Variants in ZFP62 observed in about 807,000 individuals in gnomAD.
ZFP62 encodes the protein zinc finger protein 62 homolog.
A neutral mutation model predicts 56.4 loss-of-function variants in ZFP62; 44 were observed. The ratio of observed to expected loss-of-function variants is 0.78; its 90% CI spans 0.61 to 1.00. The LOEUF (loss-of-function observed/expected upper bound fraction) is 1.00, where lower values mean the gene tolerates loss of function less well. Ranked by LOEUF, ZFP62 falls within the 50% of genes least tolerant of loss-of-function variation. The pLI is 0.00. For missense variants in ZFP62, 1,030 were observed against 1,085.7 expected (o/e 0.95, Z 0.72); for synonymous variants, 421 against 388.9 (o/e 1.08, Z -0.97).
At chr5:180,855,289 T>C (rs1044533769) in intron 1 of ZFP62, among the ~76,000 whole-genome samples, 3 of 152,218 alleles carry the variant, frequency 2.0e-5, no homozygotes, top group Non-Finnish European at 2.9e-5. Flanking sequence ...TTTTAAAGTA[T>C]CAGAAAGCAA....
the ZFP62 span, among the ~76,000 whole-genome samples, chr5:180,841,274 T>TATAC: frequency 1.3e-5 from 2 of 149,142 alleles, no homozygotes; most frequent in African/African-American, 5.0e-5. Context: ...CACACATATA[T>TATAC]ATATACATAC....
chr5:180,851,072 A>G lies in ZFP62; in HGVS notation c.423T>C (p.His141=). The G allele has an allele frequency of 6.4e-7, 1 of 1,551,698 alleles. No homozygotes were observed. The highest frequency in any genetic ancestry group is 8.7e-7 in the Non-Finnish European group (1 of 1,146,988). ...QQKTNAVKKL[H]KCDECGKSFK... ...AGGATTTCCCACATTCATCACATTTATGTAATTTCTTAACAGCATTGGTTT... is the reference window on the plus strand; with the variant it reads ...AGGATTTCCCACATTCATCACATTTGTGTAATTTCTTAACAGCATTGGTTT... Residue 141 remains histidine (H), a synonymous_variant, in exon 2 of 2, where the codon CAT becomes CAC. Transcript: ENST00000502412.
Position 180,848,963 on chromosome 5 carries a change from C to T in ZFP62, c.2532G>A (p.Glu844=), listed in dbSNP as rs1396962911. 1.9e-6 allele frequency: 3 copies of T among 1,551,712 alleles called. No homozygotes were observed. In the Admixed American group the frequency reaches 5.9e-5, roughly 30 times the overall value. ...HTGKKPYRCN[E]CGKAFNIRSN... ...ATCTGATATTAAAAGCCTTACCACACTCATTACATCGGTATGGCTTCTTTC... is the reference window on the plus strand; with the variant it reads ...ATCTGATATTAAAAGCCTTACCACATTCATTACATCGGTATGGCTTCTTTC... Residue 844 remains glutamate, a synonymous_variant, in exon 2 of 2, where the codon GAG becomes GAA. Coordinates refer to ENST00000502412, the MANE Select transcript of ZFP62 (RefSeq NM_001172638.2).
At chr5:180,858,165 G>A (rs756664926) in intron 1 of ZFP62, among the ~76,000 whole-genome samples, 21 of 139,406 alleles carry the variant, frequency 1.5e-4, no homozygotes, top group Non-Finnish European at 4.5e-5. Flanking sequence ...GCTGAAGCAG[G>A]AGAATTGCCT....
At chr5:180,854,042 TTC>T (rs1434090446) in intron 1 of ZFP62, among the ~76,000 whole-genome samples, 1 of 152,208 alleles carries the variant, frequency 6.6e-6, no homozygotes, top group Non-Finnish European at 1.5e-5. Context: ...GATTTCCTAG[TTC>T]TGTTTGCTGA....
intron 1 of ZFP62, among the ~76,000 whole-genome samples, chr5:180,857,012 G>T (rs1335906783): frequency 1.3e-5 from 2 of 151,518 alleles, no homozygotes; most frequent in South Asian, 2.1e-4. Context: ...GGAAAGGGGG[G>T]ATGGACTACA....
chr5:180,838,601 A>G, the ZFP62 span, among the ~76,000 whole-genome samples: 1 of 152,220 alleles, frequency 6.6e-6, no homozygotes, highest in Non-Finnish European at 1.5e-5. Flanking sequence ...TACACACTCA[A>G]AAGTATTCTG....
At chr5:180,839,258 A>AGAT in the ZFP62 span, among the ~76,000 whole-genome samples, 1 of 152,268 alleles carries the variant, frequency 6.6e-6, no homozygotes, top group South Asian at 2.1e-4. Flanking sequence ...AACAGTGCCA[A>AGAT]GATACTGCCT....
chr5:180,850,498 C>T lies in ZFP62; in HGVS notation c.997G>A (p.Gly333Arg). The part of the protein sequence containing the change: ...TLLNHKSIHF[G>R]DKPYKCDECE... ...TCATCACATTTATAGGGTTTATCTC[C>T]AAAGTGGATGCTTTTATGGTTGAGA... is the stretch of plus-strand genomic sequence containing the variant. Residue 333 changes from glycine to arginine, a missense_variant, in exon 2 of 2, where the codon GGA (glycine) becomes AGA (arginine). By Grantham distance (125) the Gly-to-Arg change is moderately radical. Coordinates refer to ENST00000502412, the MANE Select transcript of ZFP62 (RefSeq NM_001172638.2). 1 of 1,552,692 alleles carries T rather than the reference C, an allele frequency of 6.4e-7. No homozygotes were observed. Among genetic ancestry groups the T allele is most frequent in the Non-Finnish European group, 8.7e-7 (1 of 1,147,490 alleles).
downstream of ZFP62, among the ~76,000 whole-genome samples, chr5:180,842,734 TGGA>T: frequency 6.6e-6 from 1 of 151,780 alleles, no homozygotes; most frequent in East Asian, 1.9e-4. Context: ...ATTGCAGAGG[TGGA>T]GAAGAATGAA....
the ZFP62 span, among the ~76,000 whole-genome samples, chr5:180,837,184 T>C: frequency 6.6e-6 from 1 of 152,192 alleles, no homozygotes; most frequent in Non-Finnish European, 1.5e-5. Context: ...GGTGAGTGGC[T>C]GAGGGCCATG....
downstream of ZFP62, among the ~76,000 whole-genome samples, chr5:180,844,557 C>G (rs1773373271): frequency 1.3e-5 from 2 of 152,314 alleles, no homozygotes; most frequent in South Asian, 2.1e-4. Flanking sequence ...ACAGGGGAAA[C>G]AAGATGTGTA....
chr5:180,838,749 T>TCA, the ZFP62 span, among the ~76,000 whole-genome samples: 2 of 152,342 alleles, frequency 1.3e-5, no homozygotes, highest in African/African-American at 4.8e-5. Flanking sequence ...ACCATCAGTT[T>TCA]GGTAAAAGGT....
chr5:180,846,011 C>T, downstream of ZFP62: 1 of 335,020 alleles, frequency 3.0e-6, no homozygotes, highest in Non-Finnish European at 4.2e-6. Flanking sequence ...CCCCGCTTTT[C>T]CCTCCCCCTT....
At chr5:180,836,641 C>A in the ZFP62 span, among the ~76,000 whole-genome samples, 1 of 152,210 alleles carries the variant, frequency 6.6e-6, no homozygotes, top group South Asian at 2.1e-4. Context: ...ACAAGTGAAC[C>A]CACATCAGAG....
downstream of ZFP62, among the ~76,000 whole-genome samples, chr5:180,843,040 C>T (rs1189621116): frequency 1.6e-5 from 2 of 122,046 alleles, no homozygotes; most frequent in Non-Finnish European, 3.5e-5. Context: ...AAGACTGTCT[C>T]CAAAAAAAAA....
At chr5:180,838,332 C>G in the ZFP62 span, among the ~76,000 whole-genome samples, 4 of 152,040 alleles carry the variant, frequency 2.6e-5, no homozygotes, top group African/African-American at 9.6e-5. Context: ...GTGTCACTGC[C>G]CAAGTGAGGT....
chr5:180,843,786 G>A (rs1235926098), downstream of ZFP62, among the ~76,000 whole-genome samples: 1 of 152,196 alleles, frequency 6.6e-6, no homozygotes, highest in East Asian at 1.9e-4. Flanking sequence ...TTATGTAGAT[G>A]ACTGCATGCG....
the ZFP62 span, chr5:180,834,635 C>T: frequency 1.3e-5 from 2 of 151,172 alleles, no homozygotes; most frequent in Non-Finnish European, 3.0e-5. Flanking sequence ...TTGTTTAAGC[C>T]ACCCAGTCTA....
Sources: allele counts gnomAD v4.1 joint callset (sites outside exome capture counted in the v4.1 genomes callset), GRCh38; gene constraint gnomAD v4.1.1; transcripts MANE v1.5; gene names NCBI Gene and HGNC (gene_info 2026-07-23, HGNC 2026-07-21).